Variants in TUBB8 observed in about 807,000 individuals in gnomAD.
TUBB8 encodes tubulin beta-8 chain.
In TUBB8, 25 loss-of-function variants were observed where a neutral mutation model predicts 33.7. That is an observed-to-expected ratio of 0.74 (90% CI 0.54 to 1.04). The LOEUF (loss-of-function observed/expected upper bound fraction) is 1.04, where lower values mean the gene tolerates loss of function less well. TUBB8 is among the 50% of genes least tolerant of loss of function. The pLI, the probability that TUBB8 is intolerant of heterozygous loss-of-function variation, is 0.00. For synonymous variants in TUBB8, 245 were observed against 240.1 expected (o/e 1.02, Z -0.19); for missense variants, 279 against 608.0 (o/e 0.46, Z 5.69).
intron 1 of TUBB8, among the ~76,000 whole-genome samples, chr10:57,855 T>C (rs147383083): frequency 6.6e-6 from 1 of 152,162 alleles, no homozygotes; most frequent in Non-Finnish European, 1.5e-5. Context: ...AAGTGATTGC[T>C]CCACAGCCTG....
At chr10:65,488 G>T (rs1224828660) in intron 1 of TUBB8, among the ~76,000 whole-genome samples, 1 of 152,230 alleles carries the variant, frequency 6.6e-6, no homozygotes, top group African/African-American at 2.4e-5. Flanking sequence ...ACTTTGGGAG[G>T]CCAAGGCAGA....
intron 1 of TUBB8, among the ~76,000 whole-genome samples, chr10:57,525 C>A (rs368290575): frequency 2.0e-5 from 3 of 152,032 alleles, no homozygotes; most frequent in Non-Finnish European, 4.4e-5. Context: ...GCATTTTGTA[C>A]ACTCACAGGC....
At chr10:46,739 T>A (rs1333814193), downstream of TUBB8, 1 of 371,244 alleles carries the variant, frequency 2.7e-6, no homozygotes, top group African/African-American at 2.0e-5. Context: ...GCCTGCCATG[T>A]CCACAGCCCA....
rs568498275 is a variant in TUBB8 at position 46,922 on chromosome 10, G to A, written c.*135C>T. 3.1e-5 allele frequency: 18 copies of A among 580,330 alleles called. No homozygotes were observed. Among genetic ancestry groups the A allele is most frequent in the Non-Finnish European group, 3.9e-5 (13 of 329,994 alleles). The allele number at this position is 580,330 out of a possible 1,614,324, so 35.9% of individuals were successfully genotyped here. ...TGAGAATACTTTATTAGTCAAAACCGCATACTATAAAAATGCTTTAAAACG... is the reference window on the plus strand; with the variant it reads ...TGAGAATACTTTATTAGTCAAAACCACATACTATAAAAATGCTTTAAAACG... On this transcript the variant is annotated 3_prime_UTR_variant, in exon 4 of 4. Coordinates refer to ENST00000568584, the MANE Select transcript of TUBB8 (RefSeq NM_177987.3).
In TUBB8 at chr10:47,681, G is replaced by T. The variant is rs373998560; in HGVS notation, c.711C>A (p.Thr237=). ...GCTGGCCCGGGAAGCGCAGGCACGTGGTGACCCCACTCATGGTAGCAGACA... is the reference window on the plus strand; with the variant it reads ...GCTGGCCCGGGAAGCGCAGGCACGTTGTGACCCCACTCATGGTAGCAGACA... ...HLVSATMSGV[T]TCLRFPGQLN... The change falls in exon 4 of 4, where the codon ACC becomes ACA. Residue 237 remains threonine (T), a synonymous_variant. Coordinates refer to ENST00000568584, the MANE Select transcript of TUBB8 (RefSeq NM_177987.3). 1.9e-6 allele frequency: 3 copies of T among 1,611,188 alleles called. No individual in the cohort carries two copies. The African/African-American group carries it at 4.0e-5, about 22-fold the overall frequency.
At chr10:67,415 ATT>A (rs1834684954) in intron 1 of TUBB8, among the ~76,000 whole-genome samples, 1 of 151,996 alleles carries the variant, frequency 6.6e-6, no homozygotes, top group Non-Finnish European at 1.5e-5. Flanking sequence ...TGTACAAGTT[ATT>A]TTGTTGTTGT....
At chr10:58,752 T>C (rs1288113235) in intron 1 of TUBB8, among the ~76,000 whole-genome samples, 1 of 152,220 alleles carries the variant, frequency 6.6e-6, no homozygotes, top group Non-Finnish European at 1.5e-5. Context: ...TTAAATCACC[T>C]GGCCCACCTC....
intron 1 of TUBB8, among the ~76,000 whole-genome samples, chr10:66,010 C>T (rs1273288157): frequency 1.3e-5 from 2 of 152,242 alleles, no homozygotes; most frequent in Non-Finnish European, 2.9e-5. Context: ...TTTCTAAACA[C>T]CACAATCGGA....
At chr10:64,496 C>G (rs1834644168) in intron 1 of TUBB8, among the ~76,000 whole-genome samples, 1 of 88,236 alleles carries the variant, frequency 1.1e-5, no homozygotes, top group Admixed American at 1.1e-4. Context: ...TAACCCTAAC[C>G]CTCACCCTCA....
upstream of TUBB8, among the ~76,000 whole-genome samples, chr10:76,134 C>A (rs1328827879): frequency 2.5e-5 from 3 of 120,470 alleles, no homozygotes; most frequent in Middle Eastern, 4.8e-3. Context: ...AGCGAAACTC[C>A]GTCTCAAAAA....
At chr10:54,491 T>G (rs1554739963) in intron 1 of TUBB8, among the ~76,000 whole-genome samples, 3 of 151,778 alleles carry the variant, frequency 2.0e-5, no homozygotes. Context: ...CAACATTTGT[T>G]TTTGACTGAC....
upstream of TUBB8, chr10:49,858 TGAA>T: frequency 4.0e-6 from 1 of 252,106 alleles, no homozygotes; most frequent in South Asian, 4.5e-5. Context: ...TCCAGCAGAG[TGAA>T]GGTCATATTG....
intron 1 of TUBB8, among the ~76,000 whole-genome samples, chr10:68,181 A>C (rs758099256): frequency 7.2e-5 from 11 of 152,208 alleles, no homozygotes; most frequent in Non-Finnish European, 1.5e-4. Flanking sequence ...GCATATCGTA[A>C]TACTGATATG....
intron 1 of TUBB8, among the ~76,000 whole-genome samples, chr10:61,839 T>G (rs1391028951): frequency 1.3e-5 from 2 of 152,254 alleles, no homozygotes; most frequent in Non-Finnish European, 2.9e-5. Flanking sequence ...TTTATTATTA[T>G]ATAATGACCT....
At chr10:62,120 C>A (rs1554740955) in intron 1 of TUBB8, among the ~76,000 whole-genome samples, 1 of 152,156 alleles carries the variant, frequency 6.6e-6, no homozygotes, top group African/African-American at 2.4e-5. Context: ...GCACTTACTC[C>A]TGCCCTTTTG....
In TUBB8 at chr10:47,254, G is replaced by A. The variant is rs1209708518; in HGVS notation, c.1138C>T (p.Arg380Cys). The change falls in exon 4 of 4, where the codon CGT (arginine) becomes TGT (cysteine). Residue 380 changes from arginine to cysteine, a missense_variant. Around this residue, in one of 4 missense-constraint regions of TUBB8, gnomAD observed 123 missense variants for 228.9 expected, o/e 0.54. Coordinates refer to ENST00000568584, the MANE Select transcript of TUBB8 (RefSeq NM_177987.3). ...NNTAIQELFKRVSEQFTAMFR... is the reference protein window; with the variant it reads ...NNTAIQELFKCVSEQFTAMFR... ...ATTGCTGTAAACTGCTCTGAGACAC[G>A]CTTGAAGAGTTCCTGGATGGCCGTA... is the stretch of plus-strand genomic sequence containing the variant. 6.2e-7 allele frequency: 1 copy of A among 1,609,948 alleles called. No homozygotes were observed. Among genetic ancestry groups the A allele is most frequent in the Non-Finnish European group, 8.5e-7 (1 of 1,179,762 alleles).
In TUBB8 at chr10:48,551, A is replaced by G. The variant is rs1554738765; in HGVS notation, c.277+64T>C. 6.1e-6 allele frequency: 9 copies of G among 1,471,486 alleles called. 1 individual carries two copies. Among genetic ancestry groups the G allele is most frequent in the Middle Eastern group, 3.6e-4 (2 of 5,540 alleles). 91.2% of individuals were successfully genotyped at this position (1,471,486 alleles called of 1,614,324 possible). ...ACAGTTCCCAGAGGATGACCTTAGC[A>G]CACTCCTGGATTTTGAGCTGCCCTG... On this transcript the variant is annotated intron_variant, in intron 3 of 3. Transcript: ENST00000568584.
intron 1 of TUBB8, among the ~76,000 whole-genome samples, chr10:61,488 A>AT (rs1453380934): frequency 7.4e-6 from 1 of 134,594 alleles, no homozygotes; most frequent in African/African-American, 2.9e-5. Flanking sequence ...ATTACTTCAA[A>AT]TTTTTTTAAT....
upstream of TUBB8, among the ~76,000 whole-genome samples, chr10:75,763 T>C (rs1318999292): frequency 6.6e-6 from 1 of 152,086 alleles, no homozygotes; most frequent in African/African-American, 2.4e-5. Context: ...TCGCCCAGAC[T>C]GGAGTGCAGT....
Sources: allele counts gnomAD v4.1 joint callset (sites outside exome capture counted in the v4.1 genomes callset), GRCh38; gene constraint gnomAD v4.1.1; regional missense constraint gnomAD v4.1.1; transcripts MANE v1.5; gene names NCBI Gene and HGNC (gene_info 2026-07-23, HGNC 2026-07-21).